The following KIF6 variants were observed in gnomAD, a reference collection of about 807,000 sequenced individuals.
KIF6 encodes kinesin-like protein KIF6.
In KIF6, 106 loss-of-function variants were observed where a neutral mutation model predicts 112.7. That is an observed-to-expected ratio of 0.94 (90% CI 0.80 to 1.11). The LOEUF is 1.11. Among genes scored for constraint, KIF6 ranks in the 50% least tolerant of loss-of-function variants. KIF6 has a pLI of 0.00. For synonymous variants in KIF6, 339 were observed against 339.9 expected, an observed-to-expected ratio of 1.00 and a Z score of 0.03; for missense variants, 929 against 964.0, an observed-to-expected ratio of 0.96 and a Z score of 0.48.
intron 13 of KIF6, among the ~76,000 whole-genome samples, chr6:39,456,680 A>G (rs1481330975): frequency 7.9e-5 from 8 of 100,806 alleles, no homozygotes; most frequent in Non-Finnish European, 1.3e-4. Context: ...AGGAAGATCT[A>G]CCAAGCCAAT....
Position 39,494,539 on chromosome 6 carries a change from A to C in KIF6, c.1645+45464T>G, listed in dbSNP as rs149393040. On this transcript the variant is annotated intron_variant, in intron 13 of 22. Transcript: ENST00000287152. Reference sequence around the variant, plus strand: ...ATATGGAGAATTACATCATTTGAACAAAAGCATATGTTAAATTTAAATAAC... The same window carrying C: ...ATATGGAGAATTACATCATTTGAACCAAAGCATATGTTAAATTTAAATAAC... Among the ~76,000 whole-genome samples, 183 of 152,362 alleles carry C rather than the reference A, an allele frequency of 1.2e-3. 1 individual carries two copies. Among genetic ancestry groups the C allele is most frequent in the African/African-American group, 3.9e-3 (163 of 41,598 alleles).
chr6:39,345,505 G>A (rs1181124784), intron 21 of KIF6, among the ~76,000 whole-genome samples, 195 bp downstream of exon 21: 2 of 152,218 alleles, frequency 1.3e-5, no homozygotes, highest in Non-Finnish European at 2.9e-5. Context: ...GACTGTGGGA[G>A]AAAACCTCCC....
intron 1 of KIF6, among the ~76,000 whole-genome samples, chr6:39,721,467 G>T (rs1790212040): frequency 6.6e-6 from 1 of 152,098 alleles, no homozygotes; most frequent in South Asian, 2.1e-4. Context: ...GGAAATAGAG[G>T]GTCTTAACCA....
At chr6:39,588,928 T>G (rs1582209971) in intron 7 of KIF6, among the ~76,000 whole-genome samples, 1 of 152,320 alleles carries the variant, frequency 6.6e-6, no homozygotes, top group Non-Finnish European at 1.5e-5. Context: ...ACTTTTGCCC[T>G]TCCACGATCT....
chr6:39,410,334 G>A (rs1053453786), intron 15 of KIF6, among the ~76,000 whole-genome samples: 1 of 152,196 alleles, frequency 6.6e-6, no homozygotes, highest in Admixed American at 6.5e-5. Flanking sequence ...TCTCCCATAA[G>A]GGAAAGAAAT....
chr6:39,655,772 ATTTG>A (rs1785748246), intron 3 of KIF6, among the ~76,000 whole-genome samples: 1 of 151,592 alleles, frequency 6.6e-6, no homozygotes, highest in Admixed American at 6.6e-5. Context: ...TCAACAATTT[ATTTG>A]TTTATTGTCA....
At chr6:39,602,079 A>G (rs531213326) in intron 6 of KIF6, among the ~76,000 whole-genome samples, 51 of 152,258 alleles carry the variant, frequency 3.3e-4, no homozygotes, top group Middle Eastern at 3.4e-3. Flanking sequence ...TTTAAATGCT[A>G]TCAGAAAAGT....
chr6:39,543,572 C>A (rs982106945), intron 12 of KIF6, among the ~76,000 whole-genome samples: 1 of 152,116 alleles, frequency 6.6e-6, no homozygotes, highest in Non-Finnish European at 1.5e-5. Flanking sequence ...AGACTATTTT[C>A]ATGCATTTTG....
chr6:39,423,070 G>A (rs976455087), intron 14 of KIF6, among the ~76,000 whole-genome samples: 8 of 152,222 alleles, frequency 5.3e-5, no homozygotes, highest in East Asian at 3.9e-4. Context: ...CTATTAGGGC[G>A]TCGTTAGTTG....
chr6:39,455,828 TA>T (rs1389066911), intron 13 of KIF6, among the ~76,000 whole-genome samples: 55 of 146,510 alleles, frequency 3.8e-4, no homozygotes, highest in Non-Finnish European at 6.6e-4. Context: ...GAAAAAAGAA[TA>T]AAAAGAAATG....
At chr6:39,693,092 A>G (rs1488740749) in intron 3 of KIF6, among the ~76,000 whole-genome samples, 2 of 152,256 alleles carry the variant, frequency 1.3e-5, no homozygotes, top group African/African-American at 4.8e-5. Context: ...AGATCAATGT[A>G]CGCATATGCC....
chr6:39,486,446 A>G (rs1030018719), intron 13 of KIF6, among the ~76,000 whole-genome samples: 5 of 152,168 alleles, frequency 3.3e-5, no homozygotes, highest in African/African-American at 1.2e-4. Flanking sequence ...ACTCCATTGG[A>G]TGTCACGTGG....
intron 5 of KIF6, among the ~76,000 whole-genome samples, chr6:39,632,328 T>C (rs1189066725): frequency 1.3e-5 from 2 of 152,124 alleles, no homozygotes; most frequent in Admixed American, 6.6e-5. Context: ...TGATTTTATA[T>C]AGTTAAGCCT....
At chr6:39,486,592 C>T (rs1332620559) in intron 13 of KIF6, among the ~76,000 whole-genome samples, 1 of 152,210 alleles carries the variant, frequency 6.6e-6, no homozygotes, top group Admixed American at 6.5e-5. Flanking sequence ...TTAATTGGAA[C>T]AGTGTTCATC....
intron 15 of KIF6, among the ~76,000 whole-genome samples, chr6:39,412,187 A>AT (rs983444415): frequency 4.2e-4 from 64 of 152,154 alleles, no homozygotes; most frequent in African/African-American, 1.5e-3. Context: ...GCTTCAAATC[A>AT]TTTTTTTTGT....
chr6:39,557,144 T>C (rs1436896939), intron 10 of KIF6, among the ~76,000 whole-genome samples: 2 of 152,034 alleles, frequency 1.3e-5, no homozygotes, highest in Admixed American at 1.3e-4. Context: ...TTAAAAGACA[T>C]ATTAAAAGGA....
chr6:39,448,395 G>C (rs567957577), intron 13 of KIF6, among the ~76,000 whole-genome samples: 2 of 151,990 alleles, frequency 1.3e-5, no homozygotes, highest in Non-Finnish European at 2.9e-5. Context: ...GGCTGGTCTC[G>C]AACTCCTGAC....
Position 39,336,517 on chromosome 6 carries a change from A to G in KIF6, c.*15T>C, listed in dbSNP as rs975500912. ...TCTTGCTGGCATAATTCATGGATGG[A>G]TATTTCCTGGAAATTCAATTGCTTC... On this transcript the variant is annotated 3_prime_UTR_variant, in exon 23 of 23. Coordinates refer to ENST00000287152, the MANE Select transcript of KIF6 (RefSeq NM_145027.6). 2.5e-6 allele frequency: 4 copies of G among 1,613,344 alleles called. No homozygotes were observed. The African/African-American group carries it at 4.0e-5, about 16-fold the overall frequency.
chr6:39,463,107 A>G (rs990803571), intron 13 of KIF6, among the ~76,000 whole-genome samples: 48 of 152,168 alleles, frequency 3.2e-4, no homozygotes, highest in African/African-American at 9.9e-4. Flanking sequence ...TCTACTTTCA[A>G]CTTAATTACT....
Sources: gnomAD v4.1 joint callset for allele counts (sites outside exome capture counted in the v4.1 genomes callset) on GRCh38, gnomAD v4.1.1 for gene constraint, MANE v1.5 for transcripts, NCBI Gene and HGNC (gene_info 2026-07-23, HGNC 2026-07-21) for gene names.